MPPE1: variants seen among roughly 807,000 people sequenced by gnomAD.
MPPE1 encodes the protein metallophosphoesterase 1, also known as metallo phosphoesterase.
In MPPE1, 28 loss-of-function variants were observed where a neutral mutation model predicts 43.8. The observed-to-expected ratio is 0.64, with a 90% CI of 0.47 to 0.88. MPPE1 has a LOEUF of 0.88. Among genes scored for constraint, MPPE1 ranks in the 40% least tolerant of loss-of-function variants. The pLI is 0.00. For missense variants in MPPE1, 428 were observed against 492.2 expected, an observed-to-expected ratio of 0.87 and a Z score of 1.23; for synonymous variants, 159 against 188.5, an observed-to-expected ratio of 0.84 and a Z score of 1.28.
intron 4 of MPPE1, among the ~76,000 whole-genome samples, chr18:11,890,221 C>T (rs1288268571): frequency 3.9e-5 from 6 of 152,212 alleles, no homozygotes; most frequent in Non-Finnish European, 5.9e-5. Context: ...GGATTACAGG[C>T]GTGAGCCACC....
chr18:11,903,168 G>A (rs916164351), intron 2 of MPPE1, among the ~76,000 whole-genome samples: 5 of 152,040 alleles, frequency 3.3e-5, no homozygotes, highest in Non-Finnish European at 7.4e-5. Flanking sequence ...CTCTAAAAAC[G>A]ATCATTTAGC....
intron 2 of MPPE1, among the ~76,000 whole-genome samples, chr18:11,900,187 AAG>A (rs556313800): frequency 2.6e-4 from 39 of 152,252 alleles, no homozygotes; most frequent in African/African-American, 8.2e-4. Flanking sequence ...TCTCTACTAA[AAG>A]TACAAAAATT....
rs780624379 is a variant in MPPE1 at position 11,893,509 on chromosome 18, G to C, written c.349C>G (p.Leu117Val). ...WLLQPEVVFI[L>V]GDIFDEGKWS... ...TTCCCTTCATCAAAGATATCCCCCA[G>C]GATGAAGACGACTTCCGGCTGCAGC... The change falls in exon 4 of 11, where the codon CTG becomes GTG. Residue 117 changes from leucine (L) to valine (V), a missense_variant. Physicochemically the swap from Leu to Val is conservative, Grantham distance 32. Transcript: ENST00000588072. The C allele has an allele frequency of 6.2e-7, 1 of 1,614,106 alleles. No homozygotes were observed. Among genetic ancestry groups the C allele is most frequent in the Non-Finnish European group, 8.5e-7 (1 of 1,180,034 alleles).
In MPPE1 at chr18:11,897,227, A is replaced by G. The variant is rs767645846; in HGVS notation, c.38T>C (p.Phe13Ser). Residue 13 changes from phenylalanine (F) to serine (S), a missense_variant, in exon 3 of 11, where the codon TTT becomes TCT. This residue lies in a region of MPPE1 where 48 missense variants were observed against 73.5 expected (regional missense o/e 0.65). Transcript: ENST00000588072. ...TGAACTCTTCCTCTTTAATGGATGA[A>G]AATTCTGTCTTCCAAACCCCAATTC... ...MIELGFGRQN[F>S]HPLKRKSSLL... 1.7e-6 allele frequency: 2 copies of G among 1,184,396 alleles called. No individual in the cohort carries two copies. Among genetic ancestry groups the G allele is most frequent in the Non-Finnish European group, 2.4e-6 (2 of 830,250 alleles). 73.4% of individuals were successfully genotyped at this position (1,184,396 alleles called of 1,614,324 possible). A position where few individuals can be genotyped will look rare whatever the true frequency, so the allele number is the denominator to read the frequency against.
At chr18:11,900,856 G>A (rs572697817) in intron 2 of MPPE1, among the ~76,000 whole-genome samples, 163 of 149,554 alleles carry the variant, frequency 1.1e-3, no homozygotes, top group African/African-American at 3.6e-3. Context: ...GCAGTGAGCC[G>A]AGATTGCGCC....
chr18:11,890,894 G>A (rs1308226535), intron 4 of MPPE1, among the ~76,000 whole-genome samples: 1 of 152,122 alleles, frequency 6.6e-6, no homozygotes, highest in Non-Finnish European at 1.5e-5. Context: ...AGATGTGGGA[G>A]AAAGAAAGAC....
intron 4 of MPPE1, 125 bp downstream of exon 4, chr18:11,893,343 A>G (rs111730016): frequency 3.2e-6 from 2 of 621,142 alleles, no homozygotes; most frequent in African/African-American, 1.8e-5. Flanking sequence ...CGCATTTTTA[A>G]TATCAGTAGT....
At chr18:11,889,989 C>T (rs1336802527) in intron 4 of MPPE1, among the ~76,000 whole-genome samples, 2 of 151,356 alleles carry the variant, frequency 1.3e-5, no homozygotes, top group East Asian at 1.9e-4. Flanking sequence ...GTTGCCCAGG[C>T]TGGAGTGCAG....
At chr18:11,887,062 G>C (rs533170003) in intron 6 of MPPE1, 37 bp from the exon 7 acceptor site, 3 of 1,470,082 alleles carry the variant, frequency 2.0e-6, no homozygotes, top group African/African-American at 2.8e-5. Context: ...GCCGCTGGGG[G>C]TATCAGTGCT....
chr18:11,886,255 G>C lies in MPPE1; in HGVS notation c.867+244C>G, dbSNP rs967497926. On this transcript the variant is annotated intron_variant, in intron 9 of 10. Coordinates refer to ENST00000588072, the MANE Select transcript of MPPE1 (RefSeq NM_023075.6). This position sits in a 1 kb window ranked among gnomAD's most constrained non-coding sequence, Gnocchi z 4.1. ...TGAAAAACTCTGAATACAAAGAATAGCTGAGACTATTACTGACTTGAGGGT... is the reference window on the plus strand; with the variant it reads ...TGAAAAACTCTGAATACAAAGAATACCTGAGACTATTACTGACTTGAGGGT... 9.5e-6 allele frequency: 5 copies of C among 527,544 alleles called. No individual in the cohort carries two copies. The highest frequency in any genetic ancestry group is 7.5e-5 in the Admixed American group (2 of 26,640). The allele number at this position is 527,544 out of a possible 1,614,324, so 32.7% of individuals were successfully genotyped here. A position where few individuals can be genotyped will look rare whatever the true frequency, so the allele number is the denominator to read the frequency against.
chr18:11,884,381 C>G lies in MPPE1; in HGVS notation c.*64G>C. 6.5e-7 allele frequency: 1 copy of G among 1,527,508 alleles called. No individual in the cohort carries two copies. Among genetic ancestry groups the G allele is most frequent in the Non-Finnish European group, 9.0e-7 (1 of 1,113,042 alleles). 94.6% of individuals were successfully genotyped at this position (1,527,508 alleles called of 1,614,324 possible). ...AATTGGTCTCATCATCCACTTGATT[C>G]TAACATGATCTCTGCCCAAAGTTCC... On this transcript the variant is annotated 3_prime_UTR_variant, in exon 11 of 11. Transcript: ENST00000588072.
intron 5 of MPPE1, 34 bp from the exon 6 acceptor site, chr18:11,888,777 G>T: frequency 1.5e-6 from 2 of 1,373,792 alleles, no homozygotes; most frequent in South Asian, 2.6e-5. Flanking sequence ...CATTTTTCAG[G>T]ACAAGCCATT....
chr18:11,886,435 T>C lies in MPPE1; in HGVS notation c.867+64A>G. 6.2e-7 allele frequency: 1 copy of C among 1,612,238 alleles called. No individual in the cohort carries two copies. On this transcript the variant is annotated intron_variant, in intron 9 of 10. Coordinates refer to ENST00000588072, the MANE Select transcript of MPPE1 (RefSeq NM_023075.6). This position sits in a 1 kb window ranked among gnomAD's most constrained non-coding sequence, Gnocchi z 4.1. Reference sequence around the variant, plus strand: ...TGCTCTAGCCTGGGCACTCTGCTTGTTGACATGCAAGGTGATGAGAGTCAC... The same window carrying C: ...TGCTCTAGCCTGGGCACTCTGCTTGCTGACATGCAAGGTGATGAGAGTCAC...
intron 3 of MPPE1, among the ~76,000 whole-genome samples, chr18:11,896,422 A>G (rs937397609): frequency 2.0e-5 from 3 of 152,174 alleles, no homozygotes; most frequent in Non-Finnish European, 4.4e-5. Context: ...TTGTTTAAAA[A>G]GCTTCCTGGT....
chr18:11,905,395 C>T (rs892497184), intron 2 of MPPE1: 1 of 152,160 alleles, frequency 6.6e-6, no homozygotes, highest in Admixed American at 6.6e-5. Flanking sequence ...ACCAAAGACT[C>T]ATTGAATTAG....
Position 11,884,264 on chromosome 18 carries a change from TA to T in MPPE1, c.*180del. ...TTGTTGTAGAGTACCTGTCCACTTT[TA>T]TAGCATGAGAACAGTACAATCAACT... is the stretch of plus-strand genomic sequence containing the variant. On this transcript the variant is annotated 3_prime_UTR_variant, in exon 11 of 11. Coordinates refer to ENST00000588072, the MANE Select transcript of MPPE1 (RefSeq NM_023075.6). The T allele has an allele frequency of 1.6e-6, 1 of 607,418 alleles. No individual in the cohort carries two copies. Among genetic ancestry groups the T allele is most frequent in the South Asian group, 2.1e-5 (1 of 47,370 alleles). The allele number at this position is 607,418 out of a possible 1,614,324, so 37.6% of individuals were successfully genotyped here. A position where few individuals can be genotyped will look rare whatever the true frequency, so the allele number is the denominator to read the frequency against.
At chr18:11,893,696 A>C in intron 3 of MPPE1, 120 bp from the exon 4 acceptor site, 1 of 745,590 alleles carries the variant, frequency 1.3e-6, no homozygotes, top group Non-Finnish European at 2.2e-6. Context: ...CCAGAGCCCC[A>C]CTCTTGCATT....
intron 2 of MPPE1, among the ~76,000 whole-genome samples, chr18:11,900,436 C>G (rs8089995): frequency 0.16 from 24,498 of 151,880 alleles, 3,895 homozygotes; most frequent in African/African-American, 0.41. Context: ...AACCCAGGAC[C>G]TGGAGGTTGC....
At chr18:11,899,493 G>A (rs2038925032) in intron 2 of MPPE1, among the ~76,000 whole-genome samples, 1 of 152,202 alleles carries the variant, frequency 6.6e-6, no homozygotes. Context: ...AATCTTGGAT[G>A]AGCTTTGCAT....
Sources: gnomAD v4.1 joint callset for allele counts (sites outside exome capture counted in the v4.1 genomes callset) on GRCh38, gnomAD v4.1.1 for gene constraint, gnomAD v4.1.1 regional missense constraint, Gnocchi (gnomAD v3.1) non-coding constraint, MANE v1.5 for transcripts, NCBI Gene and HGNC (gene_info 2026-07-23, HGNC 2026-07-21) for gene names.